CHST11: variants seen among roughly 807,000 people sequenced by gnomAD.
CHST11 encodes C4S-1.
CHST11 carries 9 observed loss-of-function variants against 30.4 expected under a neutral mutation model. The observed-to-expected ratio is 0.30, with a 90% confidence interval of 0.18 to 0.52. The LOEUF (loss-of-function observed/expected upper bound fraction) is 0.52. CHST11 is among the 20% of genes least tolerant of loss of function. The pLI is 0.97. For synonymous variants in CHST11, 152 were observed against 187.8 expected (o/e 0.81, Z 1.56); for missense variants, 348 against 460.6 (o/e 0.76, Z 2.24).
chr12:104,655,134 A>T (rs2039530793), intron 2 of CHST11, among the ~76,000 whole-genome samples: 2 of 152,198 alleles, frequency 1.3e-5, no homozygotes, highest in African/African-American at 4.8e-5. Context: ...GTCCAGTAAT[A>T]GCTGATGGAA....
intron 1 of CHST11, among the ~76,000 whole-genome samples, chr12:104,566,919 C>T (rs1466329509): frequency 1.3e-5 from 2 of 151,614 alleles, no homozygotes; most frequent in African/African-American, 4.9e-5. Flanking sequence ...AAATTGAGAC[C>T]CAGAGACTTA....
chr12:104,656,884 A>G lies in CHST11; in HGVS notation c.204+54893A>G, dbSNP rs932402779. ...TCTAGGTGTTAAGGCTACAGAGGTGACAGTCCCAGTTCCCTACCTCTAGTT... is the reference window on the plus strand; with the variant it reads ...TCTAGGTGTTAAGGCTACAGAGGTGGCAGTCCCAGTTCCCTACCTCTAGTT... On this transcript the variant is annotated intron_variant, in intron 2 of 2. Coordinates refer to ENST00000303694, the MANE Select transcript of CHST11 (RefSeq NM_018413.6). Among the ~76,000 whole-genome samples, 29 of 152,338 alleles carry G rather than the reference A, an allele frequency of 1.9e-4. 3 individuals are homozygous for G. The highest frequency in any genetic ancestry group is 9.2e-4 in the Admixed American group (14 of 15,296).
At chr12:104,514,205 C>T in intron 1 of CHST11, 1 of 895,526 alleles carries the variant, frequency 1.1e-6, no homozygotes, top group Non-Finnish European at 1.9e-6. Flanking sequence ...CCAGTGTTGT[C>T]TCCGGGGACA....
At chr12:104,571,132 G>A (rs1763073768) in intron 1 of CHST11, among the ~76,000 whole-genome samples, 1 of 151,908 alleles carries the variant, frequency 6.6e-6, no homozygotes, top group South Asian at 2.1e-4. Flanking sequence ...AGCAGGTGGT[G>A]GACTCAGTAG....
intron 1 of CHST11, among the ~76,000 whole-genome samples, chr12:104,483,744 C>T (rs1209605349): frequency 6.6e-6 from 1 of 152,184 alleles, no homozygotes; most frequent in Admixed American, 6.5e-5. Context: ...ACTTATTCCT[C>T]AGTACGCCCC....
At chr12:104,708,549 G>T (rs918638365) in intron 2 of CHST11, among the ~76,000 whole-genome samples, 2 of 152,178 alleles carry the variant, frequency 1.3e-5, no homozygotes, top group Non-Finnish European at 2.9e-5. Flanking sequence ...TCCGAGGCTG[G>T]CCAAGCTTGC....
Position 104,761,718 on chromosome 12 carries a change from A to G in CHST11, c.*3915A>G, listed in dbSNP as rs2040528167. The G allele has an allele frequency of 6.6e-6, 1 of 152,248 alleles. No individual in the cohort carries two copies. The highest frequency in any genetic ancestry group is 2.4e-5 in the African/African-American group (1 of 41,446). 9.4% of individuals were successfully genotyped at this position (152,248 alleles called of 1,614,324 possible). A position where few individuals can be genotyped will look rare whatever the true frequency, so the allele number is the denominator to read the frequency against. On this transcript the variant is annotated 3_prime_UTR_variant, in exon 3 of 3. Coordinates refer to ENST00000303694, the MANE Select transcript of CHST11 (RefSeq NM_018413.6). ...TAACAGGCAAATTTCAGTCTGCTAC[A>G]CTTTGTTAGGTCCAGAAGGAGCTGC...
At chr12:104,583,356 T>G (rs1332281929) in intron 1 of CHST11, among the ~76,000 whole-genome samples, 6 of 152,288 alleles carry the variant, frequency 3.9e-5, no homozygotes, top group African/African-American at 1.4e-4. Context: ...GGAGGGTCTA[T>G]GGAATGGGGC....
intron 2 of CHST11, among the ~76,000 whole-genome samples, chr12:104,754,154 C>T (rs2040456472): frequency 6.6e-6 from 1 of 152,144 alleles, no homozygotes; most frequent in African/African-American, 2.4e-5. Context: ...CTGGTTTTAC[C>T]AAGTGGAACC....
chr12:104,617,198 G>A (rs1427177410), intron 2 of CHST11, among the ~76,000 whole-genome samples: 1 of 152,202 alleles, frequency 6.6e-6, no homozygotes, highest in Non-Finnish European at 1.5e-5. Context: ...AGGAGAACCT[G>A]TCCAGCCTGG....
intron 2 of CHST11, among the ~76,000 whole-genome samples, chr12:104,608,171 G>A (rs146995521): frequency 2.0e-4 from 30 of 152,106 alleles, no homozygotes; most frequent in South Asian, 4.2e-4. Context: ...TGAGTTGAAG[G>A]GTCTTTAAGC....
chr12:104,706,900 AAGGGGTCGGG>A (rs1050415764), intron 2 of CHST11, among the ~76,000 whole-genome samples: 11 of 152,114 alleles, frequency 7.2e-5, no homozygotes, highest in Admixed American at 2.0e-4. Context: ...GAGAGGAGAG[AAGGGGTCGGG>A]AGGAGGATGG....
rs541259357 is a variant in CHST11, at chr12:104,522,554, A to G, written c.118+65025A>G. ...AATCCCAGCATGAGCATCAGATACC[A>G]GGGTTCCCCCAGACCACTCACTCAT... On this transcript the variant is annotated intron_variant, in intron 1 of 2. Transcript: ENST00000303694. Among the ~76,000 whole-genome samples the G allele has an allele frequency of 5.3e-5, 8 of 152,344 alleles. No homozygotes were observed. In the South Asian group the frequency reaches 1.2e-3, roughly 24 times the overall value.
intron 2 of CHST11, among the ~76,000 whole-genome samples, chr12:104,639,475 T>C (rs2039355150): frequency 6.6e-6 from 1 of 152,176 alleles, no homozygotes; most frequent in African/African-American, 2.4e-5. Flanking sequence ...TGGATTTTCC[T>C]AAAGAGAAGT....
At chr12:104,709,923 A>G (rs1264676667) in intron 2 of CHST11, among the ~76,000 whole-genome samples, 2 of 152,232 alleles carry the variant, frequency 1.3e-5, no homozygotes, top group Non-Finnish European at 2.9e-5. Context: ...TCAGCTGGGC[A>G]TGGTGGCTCA....
chr12:104,558,139 C>A (rs747565829), intron 1 of CHST11, among the ~76,000 whole-genome samples: 6 of 152,154 alleles, frequency 3.9e-5, no homozygotes, highest in Non-Finnish European at 7.4e-5. Context: ...TCACAAAGCA[C>A]CCCCTCTGCC....
intron 1 of CHST11, among the ~76,000 whole-genome samples, chr12:104,590,420 G>C (rs956175877): frequency 3.9e-5 from 6 of 152,300 alleles, no homozygotes; most frequent in African/African-American, 1.2e-4. Context: ...AAACGGTTTA[G>C]TTTCCTGTCT....
intron 1 of CHST11, among the ~76,000 whole-genome samples, chr12:104,483,794 T>C (rs1241276472): frequency 6.6e-6 from 1 of 152,166 alleles, no homozygotes; most frequent in African/African-American, 2.4e-5. Flanking sequence ...AAGGAACAGA[T>C]GAGTAGATGA....
At chr12:104,742,807 C>G (rs1326715114) in intron 2 of CHST11, among the ~76,000 whole-genome samples, 1 of 152,234 alleles carries the variant, frequency 6.6e-6, no homozygotes, top group Non-Finnish European at 1.5e-5. Flanking sequence ...TTCCCCTCCT[C>G]TTGTTTCTTG....
Sources: allele counts gnomAD v4.1 joint callset (sites outside exome capture counted in the v4.1 genomes callset), GRCh38; gene constraint gnomAD v4.1.1; transcripts MANE v1.5; gene names NCBI Gene and HGNC (gene_info 2026-07-23, HGNC 2026-07-21).